The following KNL1 variants were observed in gnomAD, a reference collection of about 807,000 sequenced individuals.
KNL1 encodes kinetochore scaffold 1, also known as outer kinetochore KNL1 complex subunit KNL1.
KNL1 carries 66 observed loss-of-function variants against 201.3 expected under a neutral mutation model. The observed-to-expected ratio is 0.33, with a 90% CI of 0.27 to 0.40. The LOEUF is 0.40. Ranked by LOEUF, KNL1 falls within the 10% of genes least tolerant of loss-of-function variation. The probability of loss-of-function intolerance (pLI) is 1.00; values close to 1 mark genes in which losing one functional copy is unlikely to be tolerated. For synonymous variants in KNL1, 895 were observed against 899.2 expected (o/e 1.00, Z 0.08); for missense variants, 2,815 against 2,690.5 (o/e 1.05, Z -1.02).
At chr15:40,611,062 T>A (rs1892141375) in intron 6 of KNL1, among the ~76,000 whole-genome samples, 1 of 152,052 alleles carries the variant, frequency 6.6e-6, no homozygotes, top group African/African-American at 2.4e-5. Context: ...ATAATTTTTT[T>A]AAATGTTGTT....
At chr15:40,602,397 C>G (rs561976036) in intron 1 of KNL1, among the ~76,000 whole-genome samples, 2 of 147,736 alleles carry the variant, frequency 1.4e-5, no homozygotes, top group African/African-American at 5.0e-5. Flanking sequence ...CGGCCTCCCA[C>G]AGTGCTGAGA....
At chr15:40,658,489 A>C (rs1333216352) in intron 24 of KNL1, among the ~76,000 whole-genome samples, 1 of 136,568 alleles carries the variant, frequency 7.3e-6, no homozygotes, top group African/African-American at 2.7e-5. Context: ...AGATCACGCC[A>C]CTGCACTCAG....
rs529056386 is a variant in KNL1 at position 40,654,880 on chromosome 15, T to A, written c.6416-29T>A. ...TGAGACTCTCTGTCTAAAAAAATTT[T>A]TAAAAATCATTATTCTGGTTCTTTC... On this transcript the variant is annotated intron_variant, in intron 21 of 25. Coordinates refer to ENST00000399668, the MANE Select transcript of KNL1 (RefSeq NM_144508.5). The A allele has an allele frequency of 3.1e-6, 5 of 1,588,062 alleles. No homozygotes were observed. In the East Asian group the frequency reaches 1.1e-4, roughly 36 times the overall value.
chr15:40,626,979 C>G (rs182064053), intron 10 of KNL1, among the ~76,000 whole-genome samples: 1 of 152,348 alleles, frequency 6.6e-6, no homozygotes, highest in African/African-American at 2.4e-5. Flanking sequence ...ACTGCAACCT[C>G]CGCCTCCCAG....
chr15:40,648,037 T>C (rs1297796490), intron 17 of KNL1, among the ~76,000 whole-genome samples: 3 of 152,198 alleles, frequency 2.0e-5, no homozygotes, highest in African/African-American at 7.2e-5. Flanking sequence ...TTTGAGCATA[T>C]ACTGCATGCC....
At chr15:40,614,184 G>T (rs1394471089) in intron 7 of KNL1, among the ~76,000 whole-genome samples, 1 of 148,080 alleles carries the variant, frequency 6.8e-6, no homozygotes, top group Non-Finnish European at 1.5e-5. Context: ...TGCAACCTCC[G>T]CCTCATGGGT....
At chr15:40,650,781 T>C (rs1272852969) in intron 19 of KNL1, among the ~76,000 whole-genome samples, 198 bp downstream of exon 19, 1 of 152,198 alleles carries the variant, frequency 6.6e-6, no homozygotes, top group Non-Finnish European at 1.5e-5. Flanking sequence ...TTACAGGGCA[T>C]TTATCCACAA....
In KNL1 at chr15:40,659,354, C is replaced by G. The variant is rs1173997723; in HGVS notation, c.6729C>G (p.Phe2243Leu). ...DINNNELRLL[F>L]SSSAAFAKFE... ...TCTTTTACAGATTGAGACTTTTATT[C>G]TCTAGCTCCGCAGCATTTGCAAAGT... The change falls in exon 25 of 26, where the codon TTC becomes TTG. Residue 2243 changes from phenylalanine (F) to leucine (L), a missense_variant. This residue lies in a region of KNL1 where 334 missense variants were observed against 362.6 expected (regional missense o/e 0.92). Coordinates refer to ENST00000399668, the MANE Select transcript of KNL1 (RefSeq NM_144508.5). 1 of 1,611,220 alleles carries G rather than the reference C, an allele frequency of 6.2e-7. No homozygotes were observed. The highest frequency in any genetic ancestry group is 8.5e-7 in the Non-Finnish European group (1 of 1,178,080).
At chr15:40,656,422 C>T (rs1482687007) in intron 22 of KNL1, among the ~76,000 whole-genome samples, 1 of 150,852 alleles carries the variant, frequency 6.6e-6, no homozygotes, top group African/African-American at 2.4e-5. Context: ...AATAGAGTGA[C>T]ACTCCGTCTC....
chr15:40,626,256 G>A (rs1334679942), intron 10 of KNL1, among the ~76,000 whole-genome samples: 1 of 151,712 alleles, frequency 6.6e-6, no homozygotes, highest in Non-Finnish European at 1.5e-5. Flanking sequence ...GGGTTCAAGT[G>A]ATTCTCCTGC....
chr15:40,598,807 T>G lies in KNL1; in HGVS notation c.-17-4108T>G, dbSNP rs529148057. 2.0e-5 allele frequency among the ~76,000 whole-genome samples: 3 copies of G among 152,238 alleles called. No homozygotes were observed. In the East Asian group the frequency reaches 5.8e-4, roughly 29 times the overall value. On this transcript the variant is annotated intron_variant, in intron 1 of 25. Coordinates refer to ENST00000399668, the MANE Select transcript of KNL1 (RefSeq NM_144508.5). The stretch of plus-strand genomic sequence containing the variant: ...GTTTGCTGTATTAAAAAGAAATTTT[T>G]TTAAATTTGTTTTCGAGACAGGGTC...
intron 13 of KNL1, 124 bp downstream of exon 13, chr15:40,629,495 C>T (rs200803712): frequency 0.036 from 6,291 of 176,978 alleles, 5 homozygotes; most frequent in East Asian, 0.062. Flanking sequence ...TTTGCCTTTT[C>T]TTTTTTTTTT....
rs186355617 is a variant in KNL1 at position 40,613,155 on chromosome 15, G to A, written c.284+1644G>A. ...CGGAAAAAAAATTTTATGCTAAATA[G>A]AGAAATCTCTAAGCTATATTACTTA... On this transcript the variant is annotated intron_variant, in intron 7 of 25. Coordinates refer to ENST00000399668, the MANE Select transcript of KNL1 (RefSeq NM_144508.5). 2.0e-3 allele frequency among the ~76,000 whole-genome samples: 297 copies of A among 152,246 alleles called. 1 individual carries two copies. The highest frequency in any genetic ancestry group is 6.8e-3 in the African/African-American group (281 of 41,554).
At chr15:40,628,702 T>C (rs1379412657) in intron 12 of KNL1, 24 bp downstream of exon 12, 1 of 1,451,138 alleles carries the variant, frequency 6.9e-7, no homozygotes, top group South Asian at 1.3e-5. Context: ...CTTTTTCTTT[T>C]TTTTATTTAT....
intron 4 of KNL1, among the ~76,000 whole-genome samples, chr15:40,606,852 TG>T (rs1891992951): frequency 6.6e-6 from 1 of 152,140 alleles, no homozygotes; most frequent in African/African-American, 2.4e-5. Context: ...CTCCTCCCCC[TG>T]GGCTCAAGAG....
chr15:40,639,388 C>T (rs547782893), intron 13 of KNL1, among the ~76,000 whole-genome samples: 36 of 151,658 alleles, frequency 2.4e-4, no homozygotes, highest in African/African-American at 7.5e-4. Flanking sequence ...GAGTTCGAGA[C>T]CAGCCTGGCC....
intron 24 of KNL1, 77 bp downstream of exon 24, chr15:40,657,550 A>G: frequency 1.3e-6 from 1 of 771,724 alleles, no homozygotes. Context: ...TGGAGGCTGG[A>G]GGTCTGAGAT....
In KNL1 at chr15:40,628,609, A is replaced by G; in HGVS notation, c.5516-2A>G. 6.3e-7 allele frequency: 1 copy of G among 1,596,550 alleles called. No individual in the cohort carries two copies. Among genetic ancestry groups the G allele is most frequent in the Non-Finnish European group, 8.6e-7 (1 of 1,168,826 alleles). Reference sequence around the variant, plus strand: ...CGTCACCAGAATTTGCTTTACTTCTAGCTTACCGCAGTAGTCAAATGGAAT... The same window carrying G: ...CGTCACCAGAATTTGCTTTACTTCTGGCTTACCGCAGTAGTCAAATGGAAT... On this transcript the variant is annotated splice_acceptor_variant, in intron 11 of 25. Coordinates refer to ENST00000399668, the MANE Select transcript of KNL1 (RefSeq NM_144508.5). LOFTEE classifies it high-confidence loss of function.
At chr15:40,600,029 T>C (rs1429779291) in intron 1 of KNL1, among the ~76,000 whole-genome samples, 2 of 151,890 alleles carry the variant, frequency 1.3e-5, no homozygotes, top group African/African-American at 4.8e-5. Context: ...ATATTATCCT[T>C]CTTACAAATT....
Sources: gnomAD v4.1 joint callset for allele counts (sites outside exome capture counted in the v4.1 genomes callset) on GRCh38, gnomAD v4.1.1 for gene constraint, gnomAD v4.1.1 regional missense constraint, MANE v1.5 for transcripts, NCBI Gene and HGNC (gene_info 2026-07-23, HGNC 2026-07-21) for gene names.